The following MED12L variants were observed in gnomAD, a reference collection of about 807,000 sequenced individuals.
The protein encoded by MED12L is mediator of RNA polymerase II transcription subunit 12-like protein.
MED12L carries 60 observed loss-of-function variants against 281.3 expected under a neutral mutation model. The observed-to-expected ratio is 0.21, with a 90% confidence interval of 0.17 to 0.26. The LOEUF is 0.26. Ranked by LOEUF, MED12L falls within the 10% of genes least tolerant of loss-of-function variation. The probability of loss-of-function intolerance (pLI) is 1.00; values close to 1 mark genes in which losing one functional copy is unlikely to be tolerated. For synonymous variants in MED12L, 974 were observed against 987.2 expected, an observed-to-expected ratio of 0.99 and a Z score of 0.25; for missense variants, 2,146 against 2,680.9, an observed-to-expected ratio of 0.80 and a Z score of 4.41.
intron 39 of MED12L, among the ~76,000 whole-genome samples, chr3:151,405,829 T>A (rs1436484844): frequency 1.3e-5 from 2 of 152,208 alleles, no homozygotes; most frequent in African/African-American, 4.8e-5. Context: ...ATGCTAAACA[T>A]TAAATTAAAT....
intron 40 of MED12L, among the ~76,000 whole-genome samples, chr3:151,410,436 C>T (rs961180821): frequency 6.6e-6 from 1 of 152,198 alleles, no homozygotes; most frequent in South Asian, 2.1e-4. Context: ...GCTAGAAGTT[C>T]ATTATCCATT....
intron 16 of MED12L, among the ~76,000 whole-genome samples, chr3:151,332,635 A>C (rs1247537254): frequency 6.6e-6 from 1 of 152,244 alleles, no homozygotes; most frequent in Non-Finnish European, 1.5e-5. Flanking sequence ...AGAAAGTGAA[A>C]GTTAATACAT....
chr3:151,092,957 C>T (rs1198276584), intron 2 of MED12L, among the ~76,000 whole-genome samples: 4 of 152,208 alleles, frequency 2.6e-5, no homozygotes, highest in Non-Finnish European at 4.4e-5. Context: ...GCTACCCAAA[C>T]TCTATGGCCA....
intron 16 of MED12L, among the ~76,000 whole-genome samples, chr3:151,235,501 C>T (rs367588795): frequency 3.3e-5 from 5 of 152,032 alleles, no homozygotes; most frequent in Non-Finnish European, 5.9e-5. Flanking sequence ...GTCAGGAGAT[C>T]GAGACCATCA....
chr3:151,228,228 C>G (rs1730930397), intron 16 of MED12L, among the ~76,000 whole-genome samples: 1 of 152,160 alleles, frequency 6.6e-6, no homozygotes, highest in African/African-American at 2.4e-5. Flanking sequence ...GCCTTGGCTA[C>G]ATGTATGGCG....
intron 16 of MED12L, among the ~76,000 whole-genome samples, chr3:151,315,993 A>G (rs1748181790): frequency 6.6e-6 from 1 of 152,190 alleles, no homozygotes; most frequent in Non-Finnish European, 1.5e-5. Context: ...AAAACTTCCC[A>G]AACAGTTTGA....
chr3:151,224,394 TACTG>T (rs1306409215), intron 16 of MED12L, among the ~76,000 whole-genome samples: 1 of 152,218 alleles, frequency 6.6e-6, no homozygotes, highest in Non-Finnish European at 1.5e-5. Context: ...TTTTTAAACT[TACTG>T]AAGCCATTTT....
chr3:151,130,944 G>C (rs1715301755), intron 5 of MED12L, among the ~76,000 whole-genome samples: 1 of 152,168 alleles, frequency 6.6e-6, no homozygotes, highest in Admixed American at 6.5e-5. Context: ...CTGAGTCTCT[G>C]AAGACAGTAC....
chr3:151,172,072 C>A (rs865806935), intron 11 of MED12L, among the ~76,000 whole-genome samples: 1 of 152,164 alleles, frequency 6.6e-6, no homozygotes, highest in African/African-American at 2.4e-5. Flanking sequence ...GTCATGGAAT[C>A]TGTATATATC....
At chr3:151,211,007 C>T (rs1727075151) in intron 16 of MED12L, among the ~76,000 whole-genome samples, 1 of 152,168 alleles carries the variant, frequency 6.6e-6, no homozygotes, top group Non-Finnish European at 1.5e-5. Context: ...TTCCCTGTTG[C>T]CCACCTACAC....
chr3:151,354,556 C>G (rs1262289183), intron 17 of MED12L, among the ~76,000 whole-genome samples: 3 of 152,042 alleles, frequency 2.0e-5, no homozygotes, highest in African/African-American at 7.2e-5. Flanking sequence ...AAAGTGAGCC[C>G]AGGAGATCTC....
intron 11 of MED12L, among the ~76,000 whole-genome samples, chr3:151,177,400 TCTTAA>T (rs1722181468): frequency 6.6e-6 from 1 of 152,242 alleles, no homozygotes; most frequent in African/African-American, 2.4e-5. Context: ...CCCATGACCA[TCTTAA>T]CTTCTTTGAA....
At chr3:151,311,169 A>G (rs954300806) in intron 16 of MED12L, among the ~76,000 whole-genome samples, 3 of 152,228 alleles carry the variant, frequency 2.0e-5, no homozygotes, top group Non-Finnish European at 4.4e-5. Context: ...TAAACAGACC[A>G]TGGTAAGATC....
chr3:151,326,537 A>G lies in MED12L; in HGVS notation c.2251-23522A>G, dbSNP rs946096201. On this transcript the variant is annotated intron_variant, in intron 16 of 44. Coordinates refer to ENST00000687756, the MANE Select transcript of MED12L (RefSeq NM_001393769.1). ...ATTTCATGGACCAAGTGATGACAAC[A>G]TAGGGTTTCACAGATGGATAAGAGT... 5 of 152,558 alleles carry G rather than the reference A, an allele frequency of 3.3e-5. No individual in the cohort carries two copies. The East Asian group carries it at 5.8e-4, about 18-fold the overall frequency. The allele number at this position is 152,558 out of a possible 1,614,324, so 9.5% of individuals were successfully genotyped here.
At chr3:151,132,951 T>C (rs1715609414) in intron 5 of MED12L, among the ~76,000 whole-genome samples, 1 of 152,214 alleles carries the variant, frequency 6.6e-6, no homozygotes, top group Non-Finnish European at 1.5e-5. Context: ...TACACACATA[T>C]ATATGTGTTG....
intron 16 of MED12L, among the ~76,000 whole-genome samples, chr3:151,200,720 G>A (rs904119400): frequency 6.6e-6 from 1 of 152,230 alleles, no homozygotes; most frequent in African/African-American, 2.4e-5. Flanking sequence ...GAGTTAGCAC[G>A]TTAGAGTCCA....
At chr3:151,341,360 G>A (rs1025048393) in intron 16 of MED12L, among the ~76,000 whole-genome samples, 13 of 151,994 alleles carry the variant, frequency 8.6e-5, no homozygotes, top group Admixed American at 2.0e-4. Context: ...ATTATATACT[G>A]TGTCGTTCAT....
At chr3:151,368,662 T>TTCATGTCATTTCATTTCATTTCATG (rs796882035) in intron 25 of MED12L, among the ~76,000 whole-genome samples, 4 of 52,414 alleles carry the variant, frequency 7.6e-5, no homozygotes, top group Admixed American at 1.9e-4. Context: ...TTCATTTCAT[T>TTCATGTCATTTCATTTCATTTCATG]TCATTTCATT....
In MED12L at chr3:151,192,874, T is replaced by C. The variant is rs564532720; in HGVS notation, c.2073+220T>C. ...AATTGGAACACTCCTGTCCTCCTGGTTGGCTAACTTTTTTGTTCATTTTGA... is the reference window on the plus strand; with the variant it reads ...AATTGGAACACTCCTGTCCTCCTGGCTGGCTAACTTTTTTGTTCATTTTGA... On this transcript the variant is annotated intron_variant, in intron 15 of 44. Coordinates refer to ENST00000687756, the MANE Select transcript of MED12L (RefSeq NM_001393769.1). Among the ~76,000 whole-genome samples the C allele has an allele frequency of 1.5e-3, 223 of 152,316 alleles. 2 individuals are homozygous for C. The highest frequency in any genetic ancestry group is 5.2e-3 in the African/African-American group (215 of 41,576).
Sources: allele counts gnomAD v4.1 joint callset (sites outside exome capture counted in the v4.1 genomes callset), GRCh38; gene constraint gnomAD v4.1.1; transcripts MANE v1.5; gene names NCBI Gene and HGNC (gene_info 2026-07-23, HGNC 2026-07-21).